The following SRRM3 variants were observed in gnomAD, a reference collection of about 807,000 sequenced individuals.
SRRM3 encodes serine/arginine repetitive matrix 3, also known as serine/arginine repetitive matrix protein 3.
In SRRM3, 27 loss-of-function variants were observed where a neutral mutation model predicts 66.2. The observed-to-expected ratio is 0.41, with a 90% CI of 0.30 to 0.56. The LOEUF (loss-of-function observed/expected upper bound fraction) is 0.56, where lower values mean the gene tolerates loss of function less well. Among genes scored for constraint, SRRM3 ranks in the 20% least tolerant of loss-of-function variants. The pLI is 0.32. For synonymous variants in SRRM3, 391 were observed against 414.9 expected (o/e 0.94, Z 0.70); for missense variants, 918 against 991.9 (o/e 0.93, Z 1.00).
chr7:76,255,148 C>CTT (rs57880700), intron 3 of SRRM3, among the ~76,000 whole-genome samples: 938 of 83,120 alleles, frequency 0.011, 31 homozygotes, highest in Middle Eastern at 0.063. Flanking sequence ...TTCTTTCTTT[C>CTT]TTTTTTTTTT....
intron 3 of SRRM3, among the ~76,000 whole-genome samples, chr7:76,255,847 T>A (rs1386007673): frequency 1.3e-5 from 2 of 152,174 alleles, no homozygotes; most frequent in Non-Finnish European, 2.9e-5. Flanking sequence ...CCTGCCTCCC[T>A]TCCCTCTGTT....
chr7:76,228,633 A>C (rs184121849), intron 1 of SRRM3, among the ~76,000 whole-genome samples: 2 of 152,210 alleles, frequency 1.3e-5, no homozygotes, highest in Admixed American at 1.3e-4. Context: ...CTAAGAAAGG[A>C]GAATCATGTG....
chr7:76,221,274 C>T (rs1289748556), intron 1 of SRRM3, among the ~76,000 whole-genome samples: 2 of 151,534 alleles, frequency 1.3e-5, no homozygotes, highest in East Asian at 3.9e-4. Context: ...AGGCTGGTCT[C>T]GAACTCCTGA....
Position 76,266,196 on chromosome 7 carries a change from T to TTTATATATTTAATATATATAAATAA in SRRM3, c.830+752_830+753insATTATATATTTAATATATATAAATA. ...TTTATATATTTAATATATATAAATATTTATATATTTAATATATATAAATAT... is the reference window on the plus strand; with the variant it reads ...TTTATATATTTAATATATATAAATATTTATATATTTAATATATATAAATAATTATATATTTAATATATATAAATAT... On this transcript the variant is annotated intron_variant, in intron 10 of 14. Coordinates refer to ENST00000611745, the MANE Select transcript of SRRM3 (RefSeq NM_001110199.3). 2.0e-5 allele frequency among the ~76,000 whole-genome samples: 2 copies of TTTATATATTTAATATATATAAATAA among 98,552 alleles called. 1 individual carries two copies. The highest frequency in any genetic ancestry group is 5.1e-4 in the South Asian group (2 of 3,888). 64.7% of individuals were successfully genotyped at this position (98,552 alleles called of 152,430 possible). A position where few individuals can be genotyped will look rare whatever the true frequency, so the allele number is the denominator to read the frequency against.
intron 8 of SRRM3, among the ~76,000 whole-genome samples, chr7:76,263,570 G>A (rs1345121213): frequency 2.0e-5 from 3 of 152,128 alleles, no homozygotes; most frequent in Non-Finnish European, 4.4e-5. Flanking sequence ...TTCAAAAGCA[G>A]GGAGATTGGC....
chr7:76,248,297 C>T lies in SRRM3; in HGVS notation c.335+8C>T, dbSNP rs1554606423. 1 of 1,607,452 alleles carries T rather than the reference C, an allele frequency of 6.2e-7. No individual in the cohort carries two copies. The highest frequency in any genetic ancestry group is 1.1e-5 in the South Asian group (1 of 90,490). ...CCGGCCTGGGGGCCACATGTGAGTG[C>T]TTACCTGTGTGGGGATGAGGGAGAG... On this transcript the variant is annotated splice_region_variant and intron_variant, in intron 3 of 14. Coordinates refer to ENST00000611745, the MANE Select transcript of SRRM3 (RefSeq NM_001110199.3).
intron 3 of SRRM3, among the ~76,000 whole-genome samples, chr7:76,254,331 G>T (rs1449224841): frequency 2.0e-5 from 3 of 151,554 alleles, no homozygotes; most frequent in Non-Finnish European, 4.4e-5. Flanking sequence ...GAACTGGGCT[G>T]TTTTGAGATG....
At chr7:76,283,844 G>GGT in intron 14 of SRRM3, 1 of 985,304 alleles carries the variant, frequency 1.0e-6, no homozygotes, top group Non-Finnish European at 1.2e-6. Flanking sequence ...GTGACATTAT[G>GGT]GTCTGCCTTT....
At chr7:76,245,210 T>A (rs900332849) in intron 2 of SRRM3, among the ~76,000 whole-genome samples, 3 of 152,168 alleles carry the variant, frequency 2.0e-5, no homozygotes, top group South Asian at 2.1e-4. Flanking sequence ...TCATTTTTTT[T>A]AAAGGCTTTT....
chr7:76,252,599 G>A (rs1036254865), intron 3 of SRRM3, among the ~76,000 whole-genome samples: 10 of 151,858 alleles, frequency 6.6e-5, no homozygotes, highest in African/African-American at 2.4e-4. Context: ...GATTACAGGC[G>A]TGAGCCACCG....
chr7:76,210,138 C>T (rs1800394626), intron 1 of SRRM3, among the ~76,000 whole-genome samples: 1 of 152,162 alleles, frequency 6.6e-6, no homozygotes, highest in Admixed American at 6.5e-5. Context: ...AGAGACATGC[C>T]TCTGGGAGCT....
rs1358163497 is a variant in SRRM3, at chr7:76,281,666, C to T, written c.1234C>T (p.Arg412Trp). 2.0e-6 allele frequency: 2 copies of T among 982,876 alleles called. No individual in the cohort carries two copies. The highest frequency in any genetic ancestry group is 3.5e-5 in the African/African-American group (2 of 56,660). 60.9% of individuals were successfully genotyped at this position (982,876 alleles called of 1,614,324 possible). The change falls in exon 12 of 15, where the codon CGG becomes TGG. Residue 412 changes from arginine to tryptophan, a missense_variant. Arg to Trp is a moderately radical substitution (Grantham distance 101). Coordinates refer to ENST00000611745, the MANE Select transcript of SRRM3 (RefSeq NM_001110199.3). ...APRRRGRRRP[R>W]PAPPRGSSRS... is the part of the protein sequence containing the mutation. ...CCGCCGCAGGGGTCGCCGGCGCCCCCGGCCCGCGCCCCCCCGGGGCTCGTC... is the reference window on the plus strand; with the variant it reads ...CCGCCGCAGGGGTCGCCGGCGCCCCTGGCCCGCGCCCCCCCGGGGCTCGTC...
chr7:76,283,725 C>T (rs2117123819), intron 14 of SRRM3: 4 of 1,162,498 alleles, frequency 3.4e-6, no homozygotes, highest in Non-Finnish European at 4.5e-6. Flanking sequence ...GAGGAGCCAG[C>T]CACACCTCCT....
chr7:76,281,532 G>C lies in SRRM3; in HGVS notation c.1100G>C (p.Arg367Pro). ...PARGKESPSP[R>P]SAPSSQGRGG... The stretch of plus-strand genomic sequence containing the variant: ...CGGGGGAAGGAGAGCCCGAGCCCGC[G>C]CTCGGCGCCGTCGTCCCAAGGTCGC... Residue 367 changes from arginine to proline, a missense_variant, in exon 12 of 15, where the codon CGC becomes CCC. By Grantham distance (103) the Arg-to-Pro change is moderately radical. Coordinates refer to ENST00000611745, the MANE Select transcript of SRRM3 (RefSeq NM_001110199.3). 8.6e-7 allele frequency: 1 copy of C among 1,166,960 alleles called. No individual in the cohort carries two copies. Among genetic ancestry groups the C allele is most frequent in the Non-Finnish European group, 1.1e-6 (1 of 945,538 alleles). 72.3% of individuals were successfully genotyped at this position (1,166,960 alleles called of 1,614,324 possible).
chr7:76,252,534 C>G (rs924870331), intron 3 of SRRM3, among the ~76,000 whole-genome samples: 16 of 152,098 alleles, frequency 1.1e-4, no homozygotes, highest in South Asian at 2.1e-4. Flanking sequence ...GTTGGCCAGG[C>G]TGGTCTCGAA....
At chr7:76,223,784 C>T (rs1162842515) in intron 1 of SRRM3, among the ~76,000 whole-genome samples, 1 of 151,376 alleles carries the variant, frequency 6.6e-6, no homozygotes, top group East Asian at 1.9e-4. Context: ...CCCTCTTAGC[C>T]AAGGGTCCCT....
intron 3 of SRRM3, among the ~76,000 whole-genome samples, chr7:76,250,220 TTTTTG>T (rs535216332): frequency 1.3e-4 from 20 of 150,656 alleles, no homozygotes; most frequent in South Asian, 4.2e-4. Flanking sequence ...AATTTTTGTT[TTTTTG>T]TTTTGTTTTG....
chr7:76,259,979 G>C lies in SRRM3; in HGVS notation c.409G>C (p.Gly137Arg), dbSNP rs782503957. 1.3e-6 allele frequency: 2 copies of C among 1,599,532 alleles called. No individual in the cohort carries two copies. Among genetic ancestry groups the C allele is most frequent in the East Asian group, 2.2e-5 (1 of 44,734 alleles). ...LEYAPFDDDD[G>R]PVDCDCPASC... Reference sequence around the variant, plus strand: ...GTACGCGCCCTTTGACGATGACGACGGCCCAGTGGACTGTGACTGCCCGGC... The same window carrying C: ...GTACGCGCCCTTTGACGATGACGACCGCCCAGTGGACTGTGACTGCCCGGC... Residue 137 changes from glycine (G) to arginine (R), a missense_variant, in exon 4 of 15, where the codon GGC (glycine) becomes CGC (arginine). By Grantham distance (125) the Gly-to-Arg change is moderately radical (BLOSUM62 -2). Transcript: ENST00000611745.
chr7:76,281,683 G>C lies in SRRM3; in HGVS notation c.1251G>C (p.Arg417=), dbSNP rs1802513911. 7 of 1,024,516 alleles carry C rather than the reference G, an allele frequency of 6.8e-6. No individual in the cohort carries two copies. The Admixed American group carries it at 3.5e-4, about 51-fold the overall frequency. 63.5% of individuals were successfully genotyped at this position (1,024,516 alleles called of 1,614,324 possible). The stretch of plus-strand genomic sequence containing the variant: ...GGCGCCCCCGGCCCGCGCCCCCCCG[G>C]GGCTCGTCGCGCTCGCTCAGCAGGG... ...GRRRPRPAPP[R]GSSRSLSRAR... The change falls in exon 12 of 15, where the codon CGG becomes CGC. Residue 417 remains arginine, a synonymous_variant. Coordinates refer to ENST00000611745, the MANE Select transcript of SRRM3 (RefSeq NM_001110199.3).
Sources: gnomAD v4.1 joint callset for allele counts (sites outside exome capture counted in the v4.1 genomes callset) on GRCh38, gnomAD v4.1.1 for gene constraint, MANE v1.5 for transcripts, NCBI Gene and HGNC (gene_info 2026-07-23, HGNC 2026-07-21) for gene names.